Variants in GLIS3 observed in about 807,000 individuals in gnomAD.
The protein encoded by GLIS3 is zinc finger protein GLIS3.
A neutral mutation model predicts 78.6 loss-of-function variants in GLIS3; 53 were observed. The observed-to-expected ratio is 0.67, with a 90% confidence interval of 0.54 to 0.85. GLIS3 has a LOEUF of 0.85. Ranked by LOEUF, GLIS3 falls within the 40% of genes least tolerant of loss-of-function variation. GLIS3 has a pLI of 0.00. For synonymous variants in GLIS3, 684 were observed against 509.9 expected, an observed-to-expected ratio of 1.34 and a Z score of -4.60; for missense variants, 1,703 against 1,231.1, an observed-to-expected ratio of 1.38 and a Z score of -5.74.
At chr9:4,485,009 T>A in the GLIS3 span, among the ~76,000 whole-genome samples, 7 of 139,804 alleles carry the variant, frequency 5.0e-5, no homozygotes, top group Admixed American at 1.4e-4. Flanking sequence ...TTTTCCTTTT[T>A]TTGGGGGGGT....
chr9:4,122,286 T>C (rs932412117), intron 3 of GLIS3, among the ~76,000 whole-genome samples: 2 of 152,222 alleles, frequency 1.3e-5, no homozygotes, highest in Admixed American at 6.5e-5. Context: ...CCTATATATG[T>C]AGATCATGAA....
intron 6 of GLIS3, among the ~76,000 whole-genome samples, chr9:3,915,530 G>A (rs1215138362): frequency 6.6e-6 from 1 of 152,104 alleles, no homozygotes; most frequent in Admixed American, 6.5e-5. Context: ...TAGAGGACTG[G>A]ATAATATTTT....
chr9:4,461,555 G>C, the GLIS3 span, among the ~76,000 whole-genome samples: 1 of 152,114 alleles, frequency 6.6e-6, no homozygotes, highest in Non-Finnish European at 1.5e-5. Flanking sequence ...CTAGGGTTTG[G>C]ATTCTTTGCT....
the GLIS3 span, among the ~76,000 whole-genome samples, chr9:4,364,753 T>C: frequency 8.5e-6 from 1 of 117,896 alleles, no homozygotes; most frequent in African/African-American, 3.2e-5. Flanking sequence ...TCATCATGTA[T>C]TGCTTTTTTT....
intron 4 of GLIS3, among the ~76,000 whole-genome samples, chr9:4,055,950 G>A (rs966179171): frequency 6.6e-6 from 1 of 152,210 alleles, no homozygotes; most frequent in Non-Finnish European, 1.5e-5. Context: ...AAAAGGGTAA[G>A]GAGGCAAAGG....
chr9:3,956,947 C>A (rs922627097), intron 4 of GLIS3, among the ~76,000 whole-genome samples: 5 of 152,198 alleles, frequency 3.3e-5, no homozygotes, highest in African/African-American at 1.2e-4. Context: ...ATTGAGCCCC[C>A]ATATCTTCCC....
the GLIS3 span, among the ~76,000 whole-genome samples, chr9:4,475,255 G>C: frequency 6.6e-6 from 1 of 152,188 alleles, no homozygotes; most frequent in Non-Finnish European, 1.5e-5. Flanking sequence ...ATAGAGGAAA[G>C]AATAAGATGG....
At chr9:4,157,180 A>G (rs550404281) in intron 2 of GLIS3, among the ~76,000 whole-genome samples, 1 of 152,342 alleles carries the variant, frequency 6.6e-6, no homozygotes, top group East Asian at 1.9e-4. Context: ...CTCTGCAGCA[A>G]TGGGGTAGAG....
chr9:3,927,242 G>T (rs893170748), intron 6 of GLIS3, among the ~76,000 whole-genome samples: 6 of 152,214 alleles, frequency 3.9e-5, no homozygotes, highest in Admixed American at 2.6e-4. Context: ...TAGAATAAAT[G>T]ATATTCCTTG....
intron 4 of GLIS3, among the ~76,000 whole-genome samples, chr9:4,100,283 A>G (rs2130796376): frequency 6.6e-6 from 1 of 152,274 alleles, no homozygotes; most frequent in Admixed American, 6.5e-5. Flanking sequence ...TAAACCACAC[A>G]CTATCCTAGT....
intron 4 of GLIS3, among the ~76,000 whole-genome samples, chr9:4,042,729 T>C (rs890275584): frequency 2.0e-5 from 3 of 152,150 alleles, no homozygotes; most frequent in African/African-American, 7.2e-5. Context: ...ACAAAAACTG[T>C]AGGGAAATAT....
chr9:4,199,743 C>G (rs1043323546), intron 2 of GLIS3, among the ~76,000 whole-genome samples: 1 of 152,094 alleles, frequency 6.6e-6, no homozygotes, highest in Admixed American at 6.6e-5. Context: ...CAGCATTAGA[C>G]AGATCATTGA....
intron 4 of GLIS3, among the ~76,000 whole-genome samples, chr9:4,103,175 A>G (rs901013604): frequency 1.3e-5 from 2 of 152,154 alleles, no homozygotes; most frequent in Middle Eastern, 3.2e-3. Context: ...TAGTACACAA[A>G]AGGTTTTTCA....
intron 3 of GLIS3, among the ~76,000 whole-genome samples, chr9:4,125,164 T>C (rs1190142595): frequency 6.6e-6 from 1 of 152,234 alleles, no homozygotes; most frequent in Non-Finnish European, 1.5e-5. Flanking sequence ...AGTATGCCTT[T>C]CCAGACACAT....
Position 3,828,316 on chromosome 9 carries a change from C to A in GLIS3, c.2749G>T (p.Asp917Tyr), listed in dbSNP as rs1433418331. ...GAGGAGAGCTGGCTAGGACAGCGGT[C>A]CACGGTGCTGATCTGCAAGAAGGTA... ...DATFLQISTVDRCPSQLSSVY... is the reference protein window; with the variant it reads ...DATFLQISTVYRCPSQLSSVY... The change falls in exon 11 of 11, where the codon GAC (aspartate) becomes TAC (tyrosine). Residue 917 changes from aspartate to tyrosine, a missense_variant. Asp to Tyr is a radical substitution (Grantham distance 160). Coordinates refer to ENST00000381971, the MANE Select transcript of GLIS3 (RefSeq NM_001042413.2). The A allele has an allele frequency of 6.2e-7, 1 of 1,613,532 alleles. No individual in the cohort carries two copies. Among genetic ancestry groups the A allele is most frequent in the Non-Finnish European group, 8.5e-7 (1 of 1,179,480 alleles).
At chr9:4,351,437 T>A (rs556230013), upstream of GLIS3, among the ~76,000 whole-genome samples, 2 of 150,472 alleles carry the variant, frequency 1.3e-5, no homozygotes, top group Admixed American at 1.3e-4. Context: ...AGAAATCTTT[T>A]ACATATCTCA....
At chr9:4,397,018 T>TTTTTTC in the GLIS3 span, among the ~76,000 whole-genome samples, 1,236 of 139,516 alleles carry the variant, frequency 8.9e-3, 19 homozygotes, top group African/African-American at 0.033. Flanking sequence ...CCTTTTTTCT[T>TTTTTTC]TTTTTCTTTT....
At chr9:4,080,957 A>T (rs573818029) in intron 4 of GLIS3, among the ~76,000 whole-genome samples, 32 of 152,280 alleles carry the variant, frequency 2.1e-4, no homozygotes, top group African/African-American at 7.5e-4. Flanking sequence ...AGTCCTTGTC[A>T]ACTTGCAGCA....
intron 2 of GLIS3, chr9:4,147,759 G>A (rs1351207759): frequency 6.6e-6 from 1 of 151,972 alleles, no homozygotes; most frequent in Non-Finnish European, 1.5e-5. Flanking sequence ...AGAGCAGGTG[G>A]GTGAACTCAC....
Sources: gnomAD v4.1 joint callset for allele counts (sites outside exome capture counted in the v4.1 genomes callset) on GRCh38, gnomAD v4.1.1 for gene constraint, MANE v1.5 for transcripts, NCBI Gene and HGNC (gene_info 2026-07-23, HGNC 2026-07-21) for gene names.